Variants in SDK1 observed in about 807,000 individuals in gnomAD.
The protein encoded by SDK1 is sidekick cell adhesion molecule 1.
In SDK1, 157 loss-of-function variants were observed where a neutral mutation model predicts 245.5. The observed-to-expected ratio is 0.64, with a 90% confidence interval of 0.56 to 0.73. SDK1 has a LOEUF of 0.73. Among genes scored for constraint, SDK1 ranks in the 30% least tolerant of loss-of-function variants. The probability of loss-of-function intolerance (pLI) is 0.00; values close to 1 mark genes in which losing one functional copy is unlikely to be tolerated. For synonymous variants in SDK1, 1,647 were observed against 1,278.5 expected, an observed-to-expected ratio of 1.29 and a Z score of -6.15; for missense variants, 3,583 against 3,002.3, an observed-to-expected ratio of 1.19 and a Z score of -4.52.
chr7:3,409,725 G>A (rs540922290), intron 1 of SDK1, among the ~76,000 whole-genome samples: 1 of 152,254 alleles, frequency 6.6e-6, no homozygotes, highest in East Asian at 1.9e-4. Context: ...TTGACCCAGA[G>A]AAAGAAGTTG....
chr7:3,916,754 T>A (rs1217768251), intron 5 of SDK1, among the ~76,000 whole-genome samples: 1 of 152,256 alleles, frequency 6.6e-6, no homozygotes, highest in Non-Finnish European at 1.5e-5. Flanking sequence ...TCCCAAATTC[T>A]ATATACTTTA....
chr7:3,667,523 G>A (rs1368879966), intron 4 of SDK1, among the ~76,000 whole-genome samples: 1 of 152,132 alleles, frequency 6.6e-6, no homozygotes, highest in Non-Finnish European at 1.5e-5. Flanking sequence ...CAAACATACA[G>A]TGTTGATCCA....
At chr7:3,672,666 T>C (rs1783741784) in intron 4 of SDK1, among the ~76,000 whole-genome samples, 1 of 139,524 alleles carries the variant, frequency 7.2e-6, no homozygotes, top group Non-Finnish European at 1.5e-5. Context: ...ATTAAATTTA[T>C]ATATAAATTT....
At chr7:4,122,245 G>C (rs1443082309) in intron 25 of SDK1, among the ~76,000 whole-genome samples, 2 of 152,124 alleles carry the variant, frequency 1.3e-5, no homozygotes, top group South Asian at 2.1e-4. Context: ...TTGACTTTGG[G>C]CCTTCCCTGG....
chr7:3,824,494 C>T (rs370248641), intron 5 of SDK1, among the ~76,000 whole-genome samples: 4 of 152,218 alleles, frequency 2.6e-5, no homozygotes, highest in African/African-American at 9.6e-5. Flanking sequence ...AGTTTAAAAT[C>T]GGAGTGTCAT....
At chr7:3,577,321 C>G (rs1056536817) in intron 1 of SDK1, among the ~76,000 whole-genome samples, 9 of 152,086 alleles carry the variant, frequency 5.9e-5, no homozygotes, top group East Asian at 1.9e-4. Context: ...ATTTTACAGA[C>G]AAGGAAACAG....
intron 4 of SDK1, among the ~76,000 whole-genome samples, chr7:3,756,136 A>G (rs548552296): frequency 1.3e-5 from 2 of 150,328 alleles, no homozygotes; most frequent in South Asian, 2.1e-4. Flanking sequence ...GACTCCTTTC[A>G]CATGGCATAG....
At position 4,261,841 on chromosome 7, in the gene SDK1, G is replaced by A. The variant is rs994077443; in HGVS notation, c.6382-3283G>A. On this transcript the variant is annotated intron_variant, in intron 44 of 44. Transcript: ENST00000404826. ...GTCTTAGCGTTAGTTCCGCAGCAGC[G>A]CCTTGGTCTCTGTGCCACCAGGTGG... is the stretch of plus-strand genomic sequence containing the variant. Among the ~76,000 whole-genome samples the A allele has an allele frequency of 3.3e-5, 5 of 151,912 alleles. No individual in the cohort carries two copies. In the East Asian group the frequency reaches 5.8e-4, roughly 18 times the overall value.
Position 3,741,101 on chromosome 7 carries a change from C to T in SDK1, c.714-80349C>T, listed in dbSNP as rs536811110. ...GAAAACTTGGCTTCCTTGGCCACAT[C>T]TCCTTGAAAATTCCATCCTGCCACC... On this transcript the variant is annotated intron_variant, in intron 4 of 44. Coordinates refer to ENST00000404826, the MANE Select transcript of SDK1 (RefSeq NM_152744.4). Among the ~76,000 whole-genome samples the T allele has an allele frequency of 2.6e-5, 4 of 152,334 alleles. No individual in the cohort carries two copies. In the East Asian group the frequency reaches 7.7e-4, roughly 29 times the overall value.
intron 17 of SDK1, among the ~76,000 whole-genome samples, chr7:4,038,023 C>T (rs1483276393): frequency 6.6e-6 from 1 of 152,200 alleles, no homozygotes; most frequent in Non-Finnish European, 1.5e-5. Flanking sequence ...TTCAGGGTGA[C>T]ACAGCTGTCC....
chr7:3,353,407 AC>A (rs2128558752), intron 1 of SDK1, among the ~76,000 whole-genome samples: 1 of 152,136 alleles, frequency 6.6e-6, no homozygotes, highest in Admixed American at 6.5e-5. Context: ...AACTCACATG[AC>A]TCCCAATTTT....
At chr7:4,210,265 G>T in intron 38 of SDK1, 103 bp downstream of exon 38, 1 of 1,186,252 alleles carries the variant, frequency 8.4e-7, no homozygotes, top group Non-Finnish European at 1.1e-6. Context: ...TGGGCCAGGA[G>T]CCTTCTGGCG....
intron 1 of SDK1, among the ~76,000 whole-genome samples, chr7:3,562,768 C>T (rs1477772287): frequency 6.6e-6 from 1 of 152,108 alleles, no homozygotes. Context: ...TTATTTCCAG[C>T]CCAATTGTCA....
intron 1 of SDK1, among the ~76,000 whole-genome samples, chr7:3,533,279 C>G (rs749033721): frequency 5.3e-5 from 8 of 152,026 alleles, no homozygotes; most frequent in African/African-American, 1.9e-4. Flanking sequence ...ACAGTACTGA[C>G]AAGGCTGAAG....
chr7:3,750,283 T>C (rs1056506198), intron 4 of SDK1, among the ~76,000 whole-genome samples: 6 of 152,200 alleles, frequency 3.9e-5, no homozygotes, highest in African/African-American at 1.4e-4. Flanking sequence ...GAGGTGTTAA[T>C]TGCATTGGAG....
intron 19 of SDK1, among the ~76,000 whole-genome samples, chr7:4,064,172 A>T (rs1779724183): frequency 6.6e-6 from 1 of 152,204 alleles, no homozygotes; most frequent in African/African-American, 2.4e-5. Context: ...ATATTTGCAA[A>T]CTATTCATCT....
intron 22 of SDK1, among the ~76,000 whole-genome samples, chr7:4,098,310 A>AT (rs1226876746): frequency 6.6e-6 from 1 of 152,222 alleles, no homozygotes; most frequent in African/African-American, 2.4e-5. Context: ...AGGTCAACGT[A>AT]TATATAAATC....
intron 4 of SDK1, among the ~76,000 whole-genome samples, chr7:3,702,812 T>C (rs1380981573): frequency 6.6e-6 from 1 of 152,192 alleles, no homozygotes; most frequent in Non-Finnish European, 1.5e-5. Context: ...CTGCCTGTTT[T>C]GCAAAAGAGG....
At chr7:4,121,635 T>C (rs1295066572) in intron 25 of SDK1, among the ~76,000 whole-genome samples, 1 of 152,218 alleles carries the variant, frequency 6.6e-6, no homozygotes, top group Non-Finnish European at 1.5e-5. Context: ...GAAAATGGAC[T>C]GATACATATG....
Sources: gnomAD v4.1 joint callset for allele counts (sites outside exome capture counted in the v4.1 genomes callset) on GRCh38, gnomAD v4.1.1 for gene constraint, MANE v1.5 for transcripts, NCBI Gene and HGNC (gene_info 2026-07-23, HGNC 2026-07-21) for gene names.